The following RSBN1 variants were observed in gnomAD, a reference collection of about 807,000 sequenced individuals.
The protein encoded by RSBN1 is lysine-specific demethylase 9.
A neutral mutation model predicts 74.8 loss-of-function variants in RSBN1; 23 were observed. The ratio of observed to expected loss-of-function variants is 0.31; its 90% CI spans 0.22 to 0.44. RSBN1 has a LOEUF of 0.44. Among genes scored for constraint, RSBN1 ranks in the 20% least tolerant of loss-of-function variants. The pLI is 1.00. For synonymous variants in RSBN1, 407 were observed against 379.6 expected, an observed-to-expected ratio of 1.07 and a Z score of -0.84; for missense variants, 808 against 1,020.9, an observed-to-expected ratio of 0.79 and a Z score of 2.84.
chr1:113,769,664 A>G (rs893694113), intron 4 of RSBN1, among the ~76,000 whole-genome samples: 1 of 152,210 alleles, frequency 6.6e-6, no homozygotes, highest in African/African-American at 2.4e-5. Flanking sequence ...AAACTTTTGC[A>G]AGATGGAAAA....
chr1:113,793,132 A>G (rs1295191963), intron 2 of RSBN1, among the ~76,000 whole-genome samples: 4 of 152,230 alleles, frequency 2.6e-5, no homozygotes, highest in South Asian at 4.1e-4. Context: ...AAGCTTCTCA[A>G]AGTTTAATGT....
intron 4 of RSBN1, among the ~76,000 whole-genome samples, chr1:113,776,857 T>C (rs1238716795): frequency 6.8e-6 from 1 of 147,622 alleles, no homozygotes; most frequent in African/African-American, 2.5e-5. Context: ...AGAGTTATGA[T>C]AGACTATGGT....
At chr1:113,797,218 T>G (rs1660489707) in intron 2 of RSBN1, 145 bp downstream of exon 2, 2 of 680,752 alleles carry the variant, frequency 2.9e-6, no homozygotes, top group South Asian at 4.4e-5. Context: ...GATTTTTCAA[T>G]TAGAGGAAGA....
Position 113,767,117 on chromosome 1 carries a change from A to C in RSBN1, c.1917T>G (p.His639Gln), listed in dbSNP as rs1244500390. The change falls in exon 6 of 7, where the codon CAT (histidine) becomes CAG (glutamine). Residue 639 changes from histidine to glutamine, a missense_variant. Physicochemically the swap from His to Gln is conservative, Grantham distance 24 (BLOSUM62 0). Transcript: ENST00000261441. ...TTATTACCTGGGAAACTGGAGGTTC[A>C]TGAAGATCTAACTGAAGTCTTTGTA... is the stretch of plus-strand genomic sequence containing the variant. ...DVVQRLQLDL[H>Q]EPPVSQCVQW... 1 of 1,601,508 alleles carries C rather than the reference A, an allele frequency of 6.2e-7. No homozygotes were observed.
chr1:113,796,474 T>C (rs1660474248), intron 2 of RSBN1, among the ~76,000 whole-genome samples: 1 of 152,104 alleles, frequency 6.6e-6, no homozygotes, highest in African/African-American at 2.4e-5. Flanking sequence ...CTGAGAGTCT[T>C]ATTACGGCAA....
intron 2 of RSBN1, among the ~76,000 whole-genome samples, chr1:113,785,450 T>C (rs1168069454): frequency 6.6e-6 from 1 of 152,198 alleles, no homozygotes; most frequent in Non-Finnish European, 1.5e-5. Flanking sequence ...TTCAGCTCCA[T>C]TATAATCTTA....
chr1:113,797,964 T>C lies in RSBN1; in HGVS notation c.776A>G (p.Lys259Arg), dbSNP rs1378196093. The change falls in exon 2 of 7, where the codon AAA (lysine) becomes AGA (arginine). Residue 259 changes from lysine (K) to arginine (R), a missense_variant. Around this residue, in one of 6 missense-constraint regions of RSBN1, gnomAD observed 464 missense variants for 401.0 expected, o/e 1.16. Coordinates refer to ENST00000261441, the MANE Select transcript of RSBN1 (RefSeq NM_018364.5). ...TCGCATGTCTTCTCGGTGTTTCTTT[T>C]TCTTTTTCTTCTTTATTTTCTTCAA... is the stretch of plus-strand genomic sequence containing the variant. ...FVLKKIKKKK[K>R]KKHREDMRGR... 8.1e-6 allele frequency: 13 copies of C among 1,612,770 alleles called. No individual in the cohort carries two copies. Among genetic ancestry groups the C allele is most frequent in the African/African-American group, 2.7e-5 (2 of 74,666 alleles).
intron 2 of RSBN1, among the ~76,000 whole-genome samples, chr1:113,788,181 GA>G (rs1313796864): frequency 3.3e-5 from 5 of 151,592 alleles, no homozygotes; most frequent in Non-Finnish European, 5.9e-5. Context: ...CAGAAAGCAG[GA>G]AAAAAGACAA....
chr1:113,764,739 G>A lies in RSBN1; in HGVS notation c.*1241C>T, dbSNP rs1168049622. Reference sequence around the variant, plus strand: ...AAGAATCTGGTCTTAGGTGTGGGGAGTACTCTTCCATTAATAAACAAAAGG... The same window carrying A: ...AAGAATCTGGTCTTAGGTGTGGGGAATACTCTTCCATTAATAAACAAAAGG... On this transcript the variant is annotated 3_prime_UTR_variant, in exon 7 of 7. Transcript: ENST00000261441. 6.6e-6 allele frequency: 1 copy of A among 151,632 alleles called. No individual in the cohort carries two copies. The highest frequency in any genetic ancestry group is 1.5e-5 in the Non-Finnish European group (1 of 67,904). 9.4% of individuals were successfully genotyped at this position (151,632 alleles called of 1,614,324 possible). A position where few individuals can be genotyped will look rare whatever the true frequency, so the allele number is the denominator to read the frequency against.
At chr1:113,777,125 A>T in intron 4 of RSBN1, 85 bp downstream of exon 4, 1 of 1,277,836 alleles carries the variant, frequency 7.8e-7, no homozygotes, top group African/African-American at 1.5e-5. Flanking sequence ...AGCCCAAGAC[A>T]AATGGTTTTC....
intron 2 of RSBN1, among the ~76,000 whole-genome samples, chr1:113,784,922 G>C (rs556588905): frequency 1.3e-5 from 2 of 152,262 alleles, no homozygotes; most frequent in Admixed American, 1.3e-4. Flanking sequence ...TTTATAAACA[G>C]TGTACACTTA....
At chr1:113,805,404 AG>A (rs1170396961) in intron 1 of RSBN1, among the ~76,000 whole-genome samples, 2 of 152,194 alleles carry the variant, frequency 1.3e-5, no homozygotes, top group East Asian at 3.8e-4. Context: ...GAGCAATAAG[AG>A]GGAGAGAAAA....
chr1:113,790,700 T>G (rs891927203), intron 2 of RSBN1, among the ~76,000 whole-genome samples: 2 of 152,174 alleles, frequency 1.3e-5, no homozygotes. Flanking sequence ...CAGATAAGAT[T>G]ATCTCTTAGT....
At chr1:113,779,886 T>C (rs1660103598) in intron 2 of RSBN1, among the ~76,000 whole-genome samples, 1 of 151,878 alleles carries the variant, frequency 6.6e-6, no homozygotes, top group Non-Finnish European at 1.5e-5. Flanking sequence ...CCAGGCACGG[T>C]GGTGCATGCC....
At chr1:113,791,032 T>C (rs560234001) in intron 2 of RSBN1, among the ~76,000 whole-genome samples, 41 of 152,270 alleles carry the variant, frequency 2.7e-4, no homozygotes, top group Non-Finnish European at 5.3e-4. Context: ...TTCCGGAGTT[T>C]ATGTACTGGA....
chr1:113,800,789 A>T (rs1660568236), intron 1 of RSBN1, among the ~76,000 whole-genome samples: 1 of 152,058 alleles, frequency 6.6e-6, no homozygotes, highest in Non-Finnish European at 1.5e-5. Flanking sequence ...GAGTTTCACA[A>T]AATTCACTTA....
intron 4 of RSBN1, among the ~76,000 whole-genome samples, chr1:113,771,874 T>A (rs893717487): frequency 2.0e-5 from 3 of 149,604 alleles, no homozygotes; most frequent in Non-Finnish European, 4.4e-5. Flanking sequence ...CACTTTTTTA[T>A]GTTCCTACCT....
At chr1:113,780,104 T>C (rs890173615) in intron 2 of RSBN1, among the ~76,000 whole-genome samples, 9 of 152,150 alleles carry the variant, frequency 5.9e-5, no homozygotes, top group Non-Finnish European at 1.3e-4. Flanking sequence ...TAAGAAAGGC[T>C]TTCTCTCTAT....
chr1:113,804,454 A>C (rs1660659971), intron 1 of RSBN1, among the ~76,000 whole-genome samples: 1 of 152,040 alleles, frequency 6.6e-6, no homozygotes, highest in Non-Finnish European at 1.5e-5. Flanking sequence ...CACCTATCTG[A>C]CTCCAAAACA....
Sources: allele counts gnomAD v4.1 joint callset (sites outside exome capture counted in the v4.1 genomes callset), GRCh38; gene constraint gnomAD v4.1.1; regional missense constraint gnomAD v4.1.1; transcripts MANE v1.5; gene names NCBI Gene and HGNC (gene_info 2026-07-23, HGNC 2026-07-21).